Variants in ADCY8 observed in about 807,000 individuals in gnomAD.
The protein encoded by ADCY8 is adenylate cyclase 8.
ADCY8 carries 51 observed loss-of-function variants against 119.7 expected under a neutral mutation model. That is an observed-to-expected ratio of 0.43 (90% CI 0.34 to 0.54). The LOEUF (loss-of-function observed/expected upper bound fraction) is 0.54. ADCY8 is among the 20% of genes least tolerant of loss of function. The probability of loss-of-function intolerance (pLI) is 0.03; values close to 1 mark genes in which losing one functional copy is unlikely to be tolerated. For missense variants in ADCY8, 1,383 were observed against 1,598.8 expected (o/e 0.87, Z 2.30); for synonymous variants, 665 against 651.0 (o/e 1.02, Z -0.33).
chr8:130,950,219 G>C (rs913663644), intron 3 of ADCY8, among the ~76,000 whole-genome samples: 4 of 152,300 alleles, frequency 2.6e-5, no homozygotes, highest in Middle Eastern at 3.4e-3. Flanking sequence ...ATATTTGGTG[G>C]GTGGGAGATA....
rs561587369 is a variant in ADCY8 at position 131,001,452 on chromosome 8, G to A, written c.961-10910C>T. 3.3e-5 allele frequency among the ~76,000 whole-genome samples: 5 copies of A among 151,982 alleles called. 1 individual carries two copies. The South Asian group carries it at 8.3e-4, about 25-fold the overall frequency. On this transcript the variant is annotated intron_variant, in intron 1 of 17. Transcript: ENST00000286355. ...GGCAAGTCACTTTATGTCTCGATGA[G>A]CCTCAACTTTCTGATCTGACCAATG...
At chr8:130,892,641 G>A in intron 7 of ADCY8, 1 of 152,338 alleles carries the variant, frequency 6.6e-6, no homozygotes, top group Non-Finnish European at 1.5e-5. Flanking sequence ...GCTTTGCCTG[G>A]CATTAAATGC....
chr8:130,860,150 T>C (rs1040727450), intron 9 of ADCY8, among the ~76,000 whole-genome samples: 2 of 152,244 alleles, frequency 1.3e-5, no homozygotes, highest in Non-Finnish European at 2.9e-5. Context: ...ATTTCCCTTA[T>C]GGCCAATGAT....
intron 2 of ADCY8, among the ~76,000 whole-genome samples, chr8:130,988,879 A>G (rs1822487249): frequency 2.6e-5 from 4 of 152,212 alleles, no homozygotes. Context: ...ACGAAATAAG[A>G]GGCATCCCAT....
At chr8:130,832,756 A>G (rs1034793887) in intron 12 of ADCY8, among the ~76,000 whole-genome samples, 1 of 152,176 alleles carries the variant, frequency 6.6e-6, no homozygotes, top group Admixed American at 6.5e-5. Context: ...AAGACCTCCA[A>G]ACAGAATCCA....
intron 15 of ADCY8, among the ~76,000 whole-genome samples, chr8:130,794,207 C>T (rs1011131280): frequency 8.5e-5 from 13 of 152,146 alleles, no homozygotes; most frequent in African/African-American, 3.1e-4. Context: ...CTTCTTGCTT[C>T]CGGAATTGTG....
rs11368798 is a variant in ADCY8, at chr8:130,868,360, C to CTT, written c.2110-416_2110-415dup. ...TTTTACCAGGAAGTCTTTCTGCCTC[C>CTT]TTTTTTTTATTAAAAATAAATTCTC... On this transcript the variant is annotated intron_variant, in intron 8 of 17. Transcript: ENST00000286355. Among the ~76,000 whole-genome samples the CTT allele has an allele frequency of 1.7e-3, 255 of 151,868 alleles. 2 individuals carry two copies. Among genetic ancestry groups the CTT allele is most frequent in the East Asian group, 6.0e-3 (31 of 5,132 alleles).
intron 2 of ADCY8, among the ~76,000 whole-genome samples, chr8:130,977,201 T>C (rs1822099140): frequency 6.6e-6 from 1 of 152,230 alleles, no homozygotes; most frequent in Non-Finnish European, 1.5e-5. Flanking sequence ...CTTTAATAAA[T>C]GGAATTGTCA....
At chr8:130,857,998 C>A (rs1817803666) in intron 9 of ADCY8, among the ~76,000 whole-genome samples, 1 of 152,108 alleles carries the variant, frequency 6.6e-6, no homozygotes, top group Non-Finnish European at 1.5e-5. Context: ...ATCCCCATTG[C>A]AGCTCAAATT....
chr8:130,978,610 G>A lies in ADCY8; in HGVS notation c.1110+11783C>T, dbSNP rs188362560. ...AATCACAATTCCTCCATGGATCAAG[G>A]AACTTGTAATCCAGCAGAGGAGATA... On this transcript the variant is annotated intron_variant, in intron 2 of 17. Transcript: ENST00000286355. Among the ~76,000 whole-genome samples, 614 of 152,222 alleles carry A rather than the reference G, an allele frequency of 4.0e-3. 6 individuals are homozygous for A. The highest frequency in any genetic ancestry group is 0.02 in the Middle Eastern group (6 of 294).
At chr8:130,993,901 A>G (rs1470826947) in intron 1 of ADCY8, among the ~76,000 whole-genome samples, 2 of 152,248 alleles carry the variant, frequency 1.3e-5, no homozygotes, top group African/African-American at 4.8e-5. Flanking sequence ...GTAAAATATC[A>G]TCTTAGGATA....
At chr8:130,978,616 G>A (rs1239459595) in intron 2 of ADCY8, among the ~76,000 whole-genome samples, 1 of 152,158 alleles carries the variant, frequency 6.6e-6, no homozygotes, top group African/African-American at 2.4e-5. Context: ...CAAGGAACTT[G>A]TAATCCAGCA....
intron 2 of ADCY8, among the ~76,000 whole-genome samples, chr8:130,989,123 G>C (rs1822495259): frequency 6.6e-6 from 1 of 152,264 alleles, no homozygotes; most frequent in Middle Eastern, 3.4e-3. Context: ...ATTATTCCAA[G>C]GGCTATTCAG....
At chr8:130,902,612 CA>C (rs1819639393) in intron 7 of ADCY8, among the ~76,000 whole-genome samples, 1 of 152,104 alleles carries the variant, frequency 6.6e-6, no homozygotes. Context: ...ATCAAACTTT[CA>C]AATGCAGAAA....
At chr8:131,022,222 C>T (rs1329407969) in intron 1 of ADCY8, among the ~76,000 whole-genome samples, 1 of 152,134 alleles carries the variant, frequency 6.6e-6, no homozygotes, top group African/African-American at 2.4e-5. Flanking sequence ...TTGCTGCACC[C>T]ATCAACCCGT....
At chr8:130,907,872 G>A (rs1369535117) in intron 6 of ADCY8, among the ~76,000 whole-genome samples, 2 of 152,176 alleles carry the variant, frequency 1.3e-5, no homozygotes, top group Middle Eastern at 3.2e-3. Context: ...CCAACAGGTA[G>A]TTTCTCGTCC....
chr8:130,993,035 T>G (rs968978378), intron 1 of ADCY8, among the ~76,000 whole-genome samples: 1 of 152,170 alleles, frequency 6.6e-6, no homozygotes, highest in Non-Finnish European at 1.5e-5. Flanking sequence ...TATTCTTCAG[T>G]TATGATAAAG....
chr8:130,882,123 T>G (rs1369616995), intron 8 of ADCY8, among the ~76,000 whole-genome samples: 1 of 151,006 alleles, frequency 6.6e-6, no homozygotes, highest in Non-Finnish European at 1.5e-5. Context: ...TTGAGGTTTT[T>G]TTTTTTTTTT....
chr8:130,780,596 T>C lies in ADCY8; in HGVS notation c.3550A>G (p.Arg1184Gly). Residue 1184 changes from arginine (R) to glycine (G), a missense_variant, in exon 18 of 18, where the codon AGA (arginine) becomes GGA (glycine). By Grantham distance (125) the Arg-to-Gly change is moderately radical. Transcript: ENST00000286355. ...VQPNPFILPPRRLPGQYSLAA... is the reference protein window; with the variant it reads ...VQPNPFILPPGRLPGQYSLAA... ...AGGGAGTACTGCCCAGGCAGTCTTC[T>C]TGGGGGCAAGATGAATGGGTTGGGT... 1 of 1,614,194 alleles carries C rather than the reference T, an allele frequency of 6.2e-7. No individual in the cohort carries two copies. The highest frequency in any genetic ancestry group is 1.7e-5 in the Admixed American group (1 of 60,026).
Sources: allele counts gnomAD v4.1 joint callset (sites outside exome capture counted in the v4.1 genomes callset), GRCh38; gene constraint gnomAD v4.1.1; transcripts MANE v1.5; gene names NCBI Gene and HGNC (gene_info 2026-07-23, HGNC 2026-07-21).